The following TMEM132D variants were observed in gnomAD, a reference collection of about 807,000 sequenced individuals.
TMEM132D encodes mature OL transmembrane protein.
In TMEM132D, 21 loss-of-function variants were observed where a neutral mutation model predicts 62.3. The observed-to-expected ratio is 0.34, with a 90% CI of 0.24 to 0.49. The LOEUF (loss-of-function observed/expected upper bound fraction) is 0.49. Ranked by LOEUF, TMEM132D falls within the 20% of genes least tolerant of loss-of-function variation. The pLI, the probability that TMEM132D is intolerant of heterozygous loss-of-function variation, is 0.99. For missense variants in TMEM132D, 1,346 were observed against 1,402.8 expected (o/e 0.96, Z 0.65); for synonymous variants, 621 against 575.6 (o/e 1.08, Z -1.13).
At chr12:129,334,189 T>C (rs1869203623) in intron 4 of TMEM132D, among the ~76,000 whole-genome samples, 1 of 152,210 alleles carries the variant, frequency 6.6e-6, no homozygotes, top group African/African-American at 2.4e-5. Context: ...TTTTAAATAA[T>C]GTTTGCCAAA....
intron 1 of TMEM132D, among the ~76,000 whole-genome samples, chr12:129,709,076 T>C (rs1881576349): frequency 6.6e-6 from 1 of 152,186 alleles, no homozygotes. Context: ...GAGTGATATA[T>C]TTTTTCCTTA....
At chr12:129,895,530 G>A (rs1875078794) in intron 1 of TMEM132D, among the ~76,000 whole-genome samples, 1 of 152,182 alleles carries the variant, frequency 6.6e-6, no homozygotes. Flanking sequence ...GCCTCCTCGG[G>A]CCAATTGGGC....
chr12:129,151,063 G>A (rs1593277768), intron 5 of TMEM132D, among the ~76,000 whole-genome samples: 2 of 152,244 alleles, frequency 1.3e-5, no homozygotes, highest in East Asian at 3.9e-4. Context: ...ACTACCCGGG[G>A]TTTGCAGAGC....
chr12:129,788,025 C>T lies in TMEM132D; in HGVS notation c.80-87327G>A, dbSNP rs1366417455. Reference sequence around the variant, plus strand: ...CCAGACCCCTCGGACAAGGCCCCCACCCAGGCATCCTGGCCCAACCACTCG... The same window carrying T: ...CCAGACCCCTCGGACAAGGCCCCCATCCAGGCATCCTGGCCCAACCACTCG... On this transcript the variant is annotated intron_variant, in intron 1 of 8. Transcript: ENST00000422113. Among the ~76,000 whole-genome samples, 5 of 152,352 alleles carry T rather than the reference C, an allele frequency of 3.3e-5. No individual in the cohort carries two copies. In the East Asian group the frequency reaches 9.6e-4, roughly 29 times the overall value.
At chr12:129,238,129 G>C (rs1879833946) in intron 4 of TMEM132D, among the ~76,000 whole-genome samples, 1 of 152,086 alleles carries the variant, frequency 6.6e-6, no homozygotes, top group Non-Finnish European at 1.5e-5. Context: ...GAAATCTGTG[G>C]GTTTTGCCCT....
At chr12:129,511,267 A>G (rs1488489963) in intron 3 of TMEM132D, among the ~76,000 whole-genome samples, 1 of 152,204 alleles carries the variant, frequency 6.6e-6, no homozygotes, top group Admixed American at 6.5e-5. Context: ...AGAATTTCAC[A>G]TAAATGGAAC....
chr12:129,511,723 T>C (rs1295079923), intron 3 of TMEM132D, among the ~76,000 whole-genome samples: 3 of 152,200 alleles, frequency 2.0e-5, no homozygotes, highest in Non-Finnish European at 4.4e-5. Context: ...TTGTCAGCAT[T>C]ATGATTTGCA....
chr12:129,185,312 T>C (rs1878189974), intron 5 of TMEM132D, among the ~76,000 whole-genome samples: 2 of 152,106 alleles, frequency 1.3e-5, no homozygotes, highest in African/African-American at 2.4e-5. Flanking sequence ...AATAAAAATG[T>C]AGCAGTTACA....
At chr12:129,472,142 G>A (rs1874109458) in intron 3 of TMEM132D, among the ~76,000 whole-genome samples, 1 of 152,196 alleles carries the variant, frequency 6.6e-6, no homozygotes, top group Non-Finnish European at 1.5e-5. Flanking sequence ...ACTGCCTTCT[G>A]TTGGAAGAAG....
Position 129,513,851 on chromosome 12 carries a change from T to TTTATTTA in TMEM132D, c.1115+17207_1115+17208insTAAATAA, listed in dbSNP as rs1566093766. Among the ~76,000 whole-genome samples the TTTATTTA allele has an allele frequency of 3.2e-3, 457 of 141,802 alleles. 2 individuals carry two copies. The highest frequency in any genetic ancestry group is 0.011 in the South Asian group (48 of 4,470). The allele number at this position is 141,802 out of a possible 152,430, so 93.0% of individuals were successfully genotyped here. A position where few individuals can be genotyped will look rare whatever the true frequency, so the allele number is the denominator to read the frequency against. ...TTATTTATTTATTTATTTATTTATT[T>TTTATTTA]TTTTGAGACGGAGTCTCGCTCTGTC... On this transcript the variant is annotated intron_variant, in intron 3 of 8. Coordinates refer to ENST00000422113, the MANE Select transcript of TMEM132D (RefSeq NM_133448.3).
chr12:129,323,237 C>T (rs78754866), intron 4 of TMEM132D, among the ~76,000 whole-genome samples: 3,829 of 152,078 alleles, frequency 0.025, 177 homozygotes, highest in African/African-American at 0.084. Context: ...TTACCTTACT[C>T]GTGTTTTTAC....
intron 2 of TMEM132D, among the ~76,000 whole-genome samples, chr12:129,550,125 T>C (rs1876854175): frequency 6.6e-6 from 1 of 152,136 alleles, no homozygotes; most frequent in Non-Finnish European, 1.5e-5. Context: ...ATGAGAAAGA[T>C]TAATAGAGTA....
chr12:129,195,306 G>A (rs1353019041), intron 5 of TMEM132D, among the ~76,000 whole-genome samples: 2 of 152,092 alleles, frequency 1.3e-5, no homozygotes, highest in African/African-American at 4.8e-5. Context: ...GCCAGAAGGA[G>A]AGTTGCAGGA....
intron 2 of TMEM132D, among the ~76,000 whole-genome samples, chr12:129,540,273 G>C (rs1427561753): frequency 6.6e-6 from 1 of 152,104 alleles, no homozygotes; most frequent in East Asian, 1.9e-4. Flanking sequence ...AGTAGAAACA[G>C]GGAGAAGGGG....
At chr12:129,093,760 C>A (rs1875008448) in intron 5 of TMEM132D, among the ~76,000 whole-genome samples, 1 of 152,170 alleles carries the variant, frequency 6.6e-6, no homozygotes, top group Admixed American at 6.5e-5. Context: ...AAGCTGGAGG[C>A]ATCACACTAC....
chr12:129,188,754 GGAGAGAGGGAGAGAGAGA>G (rs1255526397), intron 5 of TMEM132D, among the ~76,000 whole-genome samples: 2,383 of 122,532 alleles, frequency 0.019, 33 homozygotes, highest in Admixed American at 0.053. Context: ...AGAGGGGGAG[GGAGAGAGGGAGAGAGAGA>G]GAGAGAGAGA....
At chr12:129,136,879 T>TATCATCATCACCACCATCATCACC (rs1565975473) in intron 5 of TMEM132D, among the ~76,000 whole-genome samples, 1 of 141,052 alleles carries the variant, frequency 7.1e-6, no homozygotes, top group African/African-American at 2.7e-5. Context: ...CCATCATTAC[T>TATCATCATCACCACCATCATCACC]ATCATCATCA....
intron 1 of TMEM132D, among the ~76,000 whole-genome samples, chr12:129,838,318 C>T (rs973892085): frequency 3.3e-5 from 5 of 152,284 alleles, no homozygotes; most frequent in African/African-American, 7.2e-5. Flanking sequence ...AACTCTCTTC[C>T]GAAAAATCTG....
chr12:129,775,983 A>T (rs953906958), intron 1 of TMEM132D, among the ~76,000 whole-genome samples: 2 of 152,088 alleles, frequency 1.3e-5, no homozygotes, highest in Admixed American at 1.3e-4. Context: ...TAAGAAAAAA[A>T]CATTCTCCTC....
Sources: gnomAD v4.1 joint callset for allele counts (sites outside exome capture counted in the v4.1 genomes callset) on GRCh38, gnomAD v4.1.1 for gene constraint, MANE v1.5 for transcripts, NCBI Gene and HGNC (gene_info 2026-07-23, HGNC 2026-07-21) for gene names.